Variants in LETM1 observed in about 807,000 individuals in gnomAD.
LETM1 encodes mitochondrial proton/calcium exchanger protein.
In LETM1, 50 loss-of-function variants were observed where a neutral mutation model predicts 74.5. The ratio of observed to expected loss-of-function variants is 0.67; its 90% confidence interval spans 0.53 to 0.85. The LOEUF is 0.85. Ranked by LOEUF, LETM1 falls within the 40% of genes least tolerant of loss-of-function variation. The pLI is 0.00. For synonymous variants in LETM1, 446 were observed against 407.1 expected (o/e 1.10, Z -1.15); for missense variants, 824 against 967.8 (o/e 0.85, Z 1.97).
At chr4:1,822,884 T>C in intron 9 of LETM1, 104 bp downstream of exon 9, 2 of 1,119,280 alleles carry the variant, frequency 1.8e-6, no homozygotes, top group Non-Finnish European at 2.3e-6. Flanking sequence ...AGGACAGAGC[T>C]GCAGGGCAAG....
At chr4:1,832,638 G>A (rs1712316425) in intron 6 of LETM1, 106 bp downstream of exon 6, 14 of 1,130,068 alleles carry the variant, frequency 1.2e-5, no homozygotes, top group East Asian at 4.8e-5. Flanking sequence ...ATTTTCGATC[G>A]TTCAGCATCT....
intron 6 of LETM1, among the ~76,000 whole-genome samples, chr4:1,826,831 T>C (rs902662549): frequency 2.6e-5 from 4 of 152,268 alleles, no homozygotes; most frequent in African/African-American, 9.6e-5. Flanking sequence ...CTGGAGTCTG[T>C]GCAGCATTTT....
intron 1 of LETM1, among the ~76,000 whole-genome samples, chr4:1,854,296 A>G (rs191222824): frequency 2.2e-3 from 340 of 151,420 alleles, no homozygotes; most frequent in African/African-American, 7.8e-3. Context: ...CCTGACCAAC[A>G]TGGTGAAACC....
Position 1,814,458 on chromosome 4 carries a change from T to G in LETM1, c.2186A>C (p.Lys729Thr), listed in dbSNP as rs763447660. 6.2e-7 allele frequency: 1 copy of G among 1,614,218 alleles called. No individual in the cohort carries two copies. Among genetic ancestry groups the G allele is most frequent in the Non-Finnish European group, 8.5e-7 (1 of 1,179,990 alleles). ...CACCTCTGCGACCTCCTTCTCTGCC[T>G]TCTCTTTGGCCTTCTCCTTCTCCTC... ...KVEEKEKAKE[K>T]AEKEVAEVKS Residue 729 changes from lysine to threonine, a missense_variant, in exon 14 of 14, where the codon AAG (lysine) becomes ACG (threonine). By Grantham distance (78) the Lys-to-Thr change is moderately conservative. Coordinates refer to ENST00000302787, the MANE Select transcript of LETM1 (RefSeq NM_012318.3).
At chr4:1,837,242 A>G (rs2108849059) in intron 3 of LETM1, among the ~76,000 whole-genome samples, 1 of 152,226 alleles carries the variant, frequency 6.6e-6, no homozygotes, top group South Asian at 2.1e-4. Flanking sequence ...TTCCACTGGC[A>G]ACAAGTGAGC....
At chr4:1,850,692 T>C (rs371084761) in intron 1 of LETM1, among the ~76,000 whole-genome samples, 7 of 145,072 alleles carry the variant, frequency 4.8e-5, no homozygotes, top group East Asian at 4.0e-4. Flanking sequence ...AGGCCGGGCA[T>C]GGTGGCTCAC....
intron 13 of LETM1, among the ~76,000 whole-genome samples, 176 bp from the exon 14 acceptor site, chr4:1,814,749 C>T (rs1711507523): frequency 6.6e-6 from 1 of 152,190 alleles, no homozygotes; most frequent in Non-Finnish European, 1.5e-5. Flanking sequence ...TGCCACAGAC[C>T]CTGGGGAAGG....
intron 3 of LETM1, among the ~76,000 whole-genome samples, chr4:1,840,949 C>A (rs1300071240): frequency 6.6e-5 from 10 of 152,206 alleles, no homozygotes; most frequent in Admixed American, 4.6e-4. Flanking sequence ...AGGAAATACA[C>A]AGGTAAACCA....
chr4:1,848,993 A>C (rs745644354), intron 2 of LETM1, among the ~76,000 whole-genome samples, 156 bp downstream of exon 2: 16 of 152,198 alleles, frequency 1.1e-4, no homozygotes, highest in Non-Finnish European at 2.4e-4. Context: ...TGTGACAATC[A>C]TTTTCAAAAT....
At chr4:1,849,885 C>T (rs1354486884) in intron 1 of LETM1, among the ~76,000 whole-genome samples, 1 of 151,646 alleles carries the variant, frequency 6.6e-6, no homozygotes, top group Non-Finnish European at 1.5e-5. Flanking sequence ...GGCGGGGCGC[C>T]GTGGCTCACG....
At position 1,814,216 on chromosome 4, in the gene LETM1, C is replaced by T; in HGVS notation, c.*208G>A. The T allele has an allele frequency of 3.7e-6, 3 of 815,358 alleles. No homozygotes were observed. The highest frequency in any genetic ancestry group is 5.7e-6 in the Non-Finnish European group (3 of 526,138). 50.5% of individuals were successfully genotyped at this position (815,358 alleles called of 1,614,324 possible). On this transcript the variant is annotated 3_prime_UTR_variant, in exon 14 of 14. Coordinates refer to ENST00000302787, the MANE Select transcript of LETM1 (RefSeq NM_012318.3). Reference sequence around the variant, plus strand: ...AGCCACACCACAGTGTGGATCCAGACACGATTCTGTGGAGGGGTTCCGGGA... The same window carrying T: ...AGCCACACCACAGTGTGGATCCAGATACGATTCTGTGGAGGGGTTCCGGGA...
chr4:1,819,887 G>A (rs535583741), intron 10 of LETM1, among the ~76,000 whole-genome samples: 6 of 152,276 alleles, frequency 3.9e-5, no homozygotes, highest in Admixed American at 2.6e-4. Flanking sequence ...CACTCTTTTT[G>A]TCTGACTTCT....
intron 2 of LETM1, among the ~76,000 whole-genome samples, chr4:1,843,597 G>C (rs942202144): frequency 6.6e-6 from 1 of 152,220 alleles, no homozygotes; most frequent in African/African-American, 2.4e-5. Context: ...CTCACGGAGA[G>C]GTTCTCAAGA....
At chr4:1,823,277 G>A in intron 8 of LETM1, 146 bp from the exon 9 acceptor site, 2 of 1,135,356 alleles carry the variant, frequency 1.8e-6, no homozygotes, top group Non-Finnish European at 2.5e-6. Flanking sequence ...CCGAGGTGCT[G>A]CCCGCAATTG....
chr4:1,841,114 C>T (rs1399142780), intron 3 of LETM1, among the ~76,000 whole-genome samples: 1 of 152,188 alleles, frequency 6.6e-6, no homozygotes, highest in South Asian at 2.1e-4. Context: ...CTTTAGGAGG[C>T]TGAGGTGGGA....
At chr4:1,829,160 C>CG (rs201119576) in intron 6 of LETM1, among the ~76,000 whole-genome samples, 1 of 121,566 alleles carries the variant, frequency 8.2e-6, no homozygotes, top group Non-Finnish European at 1.7e-5. Flanking sequence ...GCTGGCCGGG[C>CG]AGGGGGGCTG....
intron 6 of LETM1, among the ~76,000 whole-genome samples, chr4:1,832,085 G>A (rs938982767): frequency 2.0e-5 from 3 of 152,190 alleles, no homozygotes; most frequent in Non-Finnish European, 4.4e-5. Context: ...CAGATCGCTT[G>A]AGGTCCAGAG....
At chr4:1,838,546 G>A (rs1199305163) in intron 3 of LETM1, among the ~76,000 whole-genome samples, 5 of 152,298 alleles carry the variant, frequency 3.3e-5, no homozygotes, top group African/African-American at 7.2e-5. Context: ...GCATGACAGC[G>A]TGCGTCTGTG....
chr4:1,841,949 C>T, intron 2 of LETM1, 152 bp from the exon 3 acceptor site: 1 of 675,304 alleles, frequency 1.5e-6, no homozygotes, highest in Non-Finnish European at 2.6e-6. Flanking sequence ...ACGTTTTGCA[C>T]TGCCCGCTGG....
Sources: gnomAD v4.1 joint callset for allele counts (sites outside exome capture counted in the v4.1 genomes callset) on GRCh38, gnomAD v4.1.1 for gene constraint, MANE v1.5 for transcripts, NCBI Gene and HGNC (gene_info 2026-07-23, HGNC 2026-07-21) for gene names.